The following RUNDC1 variants were observed in gnomAD, a reference collection of about 807,000 sequenced individuals.
RUNDC1 encodes RUN domain containing 1.
A neutral mutation model predicts 49.3 loss-of-function variants in RUNDC1; 31 were observed. That is an observed-to-expected ratio of 0.63 (90% CI 0.47 to 0.85). The LOEUF is 0.85. RUNDC1 is among the 40% of genes least tolerant of loss of function. The probability of loss-of-function intolerance (pLI) is 0.00; values close to 1 mark genes in which losing one functional copy is unlikely to be tolerated. For synonymous variants in RUNDC1, 347 were observed against 348.6 expected (o/e 1.00, Z 0.05); for missense variants, 715 against 806.7 (o/e 0.89, Z 1.38).
intron 1 of RUNDC1, among the ~76,000 whole-genome samples, chr17:42,983,749 G>T (rs1167232751): frequency 4.0e-5 from 6 of 151,822 alleles, no homozygotes; most frequent in Non-Finnish European, 8.8e-5. Context: ...TTGGCTCACA[G>T]CAACCTCCGC....
intron 2 of RUNDC1, 27 bp downstream of exon 2, chr17:42,987,441 C>T (rs768552108): frequency 6.2e-7 from 1 of 1,610,506 alleles, no homozygotes; most frequent in Non-Finnish European, 8.5e-7. Flanking sequence ...GGAACCTCCA[C>T]CACTGCCCGA....
chr17:42,982,206 C>G (rs1358455520), intron 1 of RUNDC1, among the ~76,000 whole-genome samples: 2 of 151,900 alleles, frequency 1.3e-5, no homozygotes, highest in African/African-American at 4.8e-5. Flanking sequence ...AGGCTGGTCT[C>G]GAACTCCTGA....
In RUNDC1 at chr17:42,991,802, T is replaced by TG; in HGVS notation, c.*90dup. On this transcript the variant is annotated 3_prime_UTR_variant, in exon 5 of 5. Transcript: ENST00000361677. ...TAGCATAGGAGCAAGGAATCAGAGG[T>TG]GGGGTTAAAGGCATTTTTCCCAGAC... is the stretch of plus-strand genomic sequence containing the variant. 2.8e-6 allele frequency: 4 copies of TG among 1,445,110 alleles called. No homozygotes were observed. Among genetic ancestry groups the TG allele is most frequent in the Non-Finnish European group, 3.7e-6 (4 of 1,076,034 alleles). 89.5% of individuals were successfully genotyped at this position (1,445,110 alleles called of 1,614,324 possible).
At position 42,994,414 on chromosome 17, in the gene RUNDC1, A is replaced by G. The variant is rs2050282484; in HGVS notation, c.*2698A>G. 6.6e-6 allele frequency among the ~76,000 whole-genome samples: 1 copy of G among 152,180 alleles called. No homozygotes were observed. The highest frequency in any genetic ancestry group is 6.5e-5 in the Admixed American group (1 of 15,268). ...GGAAACTGAACTGCAGAGAGGTTAA[A>G]TATTTTGTCCTGGTTTACATGATGA... On this transcript the variant is annotated 3_prime_UTR_variant, in exon 5 of 5. Coordinates refer to ENST00000361677, the MANE Select transcript of RUNDC1 (RefSeq NM_173079.5).
chr17:42,980,855 G>C lies in RUNDC1; in HGVS notation c.279G>C (p.Ala93=). Residue 93 remains alanine (A), a synonymous_variant, in exon 1 of 5, where the codon GCG becomes GCC. Coordinates refer to ENST00000361677, the MANE Select transcript of RUNDC1 (RefSeq NM_173079.5). ...CAGAGCGGCGGCGGCTGGACTCGGC[G>C]CTGCTGGCGCTGTCCTCGCACTTCG... The part of the protein sequence containing the change: ...LRAERRRLDS[A]LLALSSHFAQ... The C allele has an allele frequency of 7.0e-7, 1 of 1,421,928 alleles. No homozygotes were observed. The highest frequency in any genetic ancestry group is 2.5e-4 in the Middle Eastern group (1 of 4,010). The allele number at this position is 1,421,928 out of a possible 1,614,324, so 88.1% of individuals were successfully genotyped here.
intron 1 of RUNDC1, chr17:42,981,991 A>ATTTTTTTT (rs1567728685): frequency 1.1e-4 from 1 of 9,504 alleles, no homozygotes. Context: ...CTGCCTTTTC[A>ATTTTTTTT]CTTTTTTTTT....
chr17:42,987,254 A>G lies in RUNDC1; in HGVS notation c.499-2A>G, dbSNP rs982269662. On this transcript the variant is annotated splice_acceptor_variant, in intron 1 of 4. Transcript: ENST00000361677. LOFTEE classifies it high-confidence loss of function. Reference sequence around the variant, plus strand: ...ATAGACCCAATTATTTTCTTGCCTTAGAGTGAGCAGGAAAAGCAAGAGCGT... The same window carrying G: ...ATAGACCCAATTATTTTCTTGCCTTGGAGTGAGCAGGAAAAGCAAGAGCGT... 6.2e-7 allele frequency: 1 copy of G among 1,613,942 alleles called. No homozygotes were observed. Among genetic ancestry groups the G allele is most frequent in the African/African-American group, 1.3e-5 (1 of 75,038 alleles).
chr17:42,983,619 C>T (rs1364016128), intron 1 of RUNDC1, among the ~76,000 whole-genome samples: 1 of 150,866 alleles, frequency 6.6e-6, no homozygotes, highest in African/African-American at 2.4e-5. Context: ...GCAAGCCACC[C>T]ACCTTGGCCA....
In RUNDC1 at chr17:42,993,096, C is replaced by T. The variant is rs1229400889; in HGVS notation, c.*1380C>T. 1.3e-5 allele frequency: 2 copies of T among 152,212 alleles called. No homozygotes were observed. The highest frequency in any genetic ancestry group is 6.5e-5 in the Admixed American group (1 of 15,272). 9.4% of individuals were successfully genotyped at this position (152,212 alleles called of 1,614,324 possible). On this transcript the variant is annotated 3_prime_UTR_variant, in exon 5 of 5. Coordinates refer to ENST00000361677, the MANE Select transcript of RUNDC1 (RefSeq NM_173079.5). ...CAGCTGTTCCTCAGGTTGTGACTCA[C>T]TGAGCACCACTTGTCCTGGAGGCTG...
At position 42,995,098 on chromosome 17, in the gene RUNDC1, T is replaced by C. The variant is rs1264758194; in HGVS notation, c.*3382T>C. On this transcript the variant is annotated 3_prime_UTR_variant, in exon 5 of 5. Transcript: ENST00000361677. ...TCTAGCAAAGGAGATACCATACCAA[T>C]TGGAGATTTGGAGAGACTGTTAAAA... Among the ~76,000 whole-genome samples, 3 of 47,908 alleles carry C rather than the reference T, an allele frequency of 6.3e-5. No individual in the cohort carries two copies. The highest frequency in any genetic ancestry group is 1.7e-4 in the Non-Finnish European group (3 of 18,168). The allele number at this position is 47,908 out of a possible 152,430, so 31.4% of individuals were successfully genotyped here. A position where few individuals can be genotyped will look rare whatever the true frequency, so the allele number is the denominator to read the frequency against.
chr17:42,980,682 G>T lies in RUNDC1; in HGVS notation c.106G>T (p.Glu36Ter). The T allele has an allele frequency of 6.4e-7, 1 of 1,573,880 alleles. No individual in the cohort carries two copies. Among genetic ancestry groups the T allele is most frequent in the Non-Finnish European group, 8.6e-7 (1 of 1,162,972 alleles). ...EEEEEPLPPC[E>*]AVRWAPVGAV... The stretch of plus-strand genomic sequence containing the variant: ...GGAAGAGGAGCCGCTGCCACCGTGC[G>T]AGGCGGTGCGCTGGGCCCCAGTGGG... Residue 36 changes from glutamate to a stop codon, truncating the protein, a stop_gained, in exon 1 of 5, where the codon GAG becomes TAG. Transcript: ENST00000361677. LOFTEE classifies it high-confidence loss of function.
intron 1 of RUNDC1, among the ~76,000 whole-genome samples, chr17:42,985,123 G>T (rs2050154335): frequency 6.6e-6 from 1 of 152,036 alleles, no homozygotes; most frequent in Admixed American, 6.6e-5. Context: ...CTGACCTCAG[G>T]TGATCTGCCT....
chr17:42,985,895 A>C (rs543109032), intron 1 of RUNDC1, among the ~76,000 whole-genome samples: 2 of 152,238 alleles, frequency 1.3e-5, no homozygotes, highest in African/African-American at 4.8e-5. Flanking sequence ...TAGTCAGCAA[A>C]ACTTACAGAT....
Position 42,991,319 on chromosome 17 carries a change from C to T in RUNDC1, c.1445C>T (p.Ala482Val). 2.5e-6 allele frequency: 4 copies of T among 1,614,180 alleles called. No homozygotes were observed. Among genetic ancestry groups the T allele is most frequent in the Non-Finnish European group, 3.4e-6 (4 of 1,180,036 alleles). The change falls in exon 5 of 5, where the codon GCT becomes GTT. Residue 482 changes from alanine to valine, a missense_variant. Coordinates refer to ENST00000361677, the MANE Select transcript of RUNDC1 (RefSeq NM_173079.5). ...GAGCTCTTTGTAAAGTACTACCATGCTAAGAACGGCCGTGCTTATGTGGAA... is the reference window on the plus strand; with the variant it reads ...GAGCTCTTTGTAAAGTACTACCATGTTAAGAACGGCCGTGCTTATGTGGAA... ...PWELFVKYYH[A>V]KNGRAYVESP...
chr17:42,987,117 A>G (rs2050181549), intron 1 of RUNDC1, 139 bp from the exon 2 acceptor site: 8 of 586,854 alleles, frequency 1.4e-5, no homozygotes, highest in Admixed American at 3.0e-5. Flanking sequence ...TTTTGAATCT[A>G]TCGTATGAAT....
At chr17:42,989,194 C>T in intron 2 of RUNDC1, 147 bp from the exon 3 acceptor site, 1 of 626,178 alleles carries the variant, frequency 1.6e-6, no homozygotes, top group South Asian at 1.9e-5. Context: ...TCACCTTGAT[C>T]AATCAGCAGT....
chr17:42,983,009 T>G (rs2050123923), intron 1 of RUNDC1, among the ~76,000 whole-genome samples: 2 of 141,452 alleles, frequency 1.4e-5, no homozygotes, highest in South Asian at 4.6e-4. Context: ...ACACAAAAAA[T>G]TAAAAACTGA....
chr17:42,985,654 T>A, intron 1 of RUNDC1: 1 of 763,576 alleles, frequency 1.3e-6, no homozygotes, highest in Non-Finnish European at 1.6e-6. Flanking sequence ...TCTTCAGGGC[T>A]TGGTAAGTAC....
At position 42,991,895 on chromosome 17, in the gene RUNDC1, T is replaced by G; in HGVS notation, c.*179T>G. The G allele has an allele frequency of 1.5e-6, 1 of 659,050 alleles. No individual in the cohort carries two copies. The highest frequency in any genetic ancestry group is 3.8e-4 in the Middle Eastern group (1 of 2,614). 40.8% of individuals were successfully genotyped at this position (659,050 alleles called of 1,614,324 possible). A position where few individuals can be genotyped will look rare whatever the true frequency, so the allele number is the denominator to read the frequency against. ...CCCACCAACTTAGCTCTCGGAAAGA[T>G]GTGCTGGAGGGACCCTCTTGTTAAG... On this transcript the variant is annotated 3_prime_UTR_variant, in exon 5 of 5. Coordinates refer to ENST00000361677, the MANE Select transcript of RUNDC1 (RefSeq NM_173079.5).
Sources: gnomAD v4.1 joint callset for allele counts (sites outside exome capture counted in the v4.1 genomes callset) on GRCh38, gnomAD v4.1.1 for gene constraint, MANE v1.5 for transcripts, NCBI Gene and HGNC (gene_info 2026-07-23, HGNC 2026-07-21) for gene names.